The following LAMC3 variants were observed in gnomAD, a reference collection of about 807,000 sequenced individuals.
LAMC3 encodes laminin subunit gamma 3.
In LAMC3, 128 loss-of-function variants were observed where a neutral mutation model predicts 173.8. The observed-to-expected ratio is 0.74, with a 90% CI of 0.64 to 0.85. The LOEUF is 0.85. LAMC3 is among the 40% of genes least tolerant of loss of function. The pLI, the probability that LAMC3 is intolerant of heterozygous loss-of-function variation, is 0.00. For missense variants in LAMC3, 2,022 were observed against 2,156.0 expected (o/e 0.94, Z 1.23); for synonymous variants, 897 against 909.1 (o/e 0.99, Z 0.24).
chr9:131,016,614 G>A (rs1336045085), intron 1 of LAMC3, among the ~76,000 whole-genome samples: 1 of 152,208 alleles, frequency 6.6e-6, no homozygotes, highest in Non-Finnish European at 1.5e-5. Context: ...GACTAGTTAA[G>A]TAAATTGTAG....
At chr9:131,059,786 G>A (rs1011106399) in intron 12 of LAMC3, among the ~76,000 whole-genome samples, 5 of 152,212 alleles carry the variant, frequency 3.3e-5, no homozygotes, top group South Asian at 4.1e-4. Context: ...TCTGTGAAAC[G>A]GGCAGTATAG....
At chr9:131,069,990 C>T in intron 17 of LAMC3, 140 bp downstream of exon 17, 1 of 883,968 alleles carries the variant, frequency 1.1e-6, no homozygotes, top group Non-Finnish European at 1.8e-6. Flanking sequence ...TCTCCCTGTG[C>T]CCACCCAGCT....
At chr9:131,083,118 G>T (rs1830271543) in intron 24 of LAMC3, among the ~76,000 whole-genome samples, 1 of 152,166 alleles carries the variant, frequency 6.6e-6, no homozygotes, top group African/African-American at 2.4e-5. Flanking sequence ...TAGGATCTTA[G>T]AACATTAGAA....
intron 12 of LAMC3, among the ~76,000 whole-genome samples, chr9:131,058,162 A>G (rs934763497): frequency 2.0e-5 from 3 of 152,030 alleles, no homozygotes; most frequent in Non-Finnish European, 2.9e-5. Context: ...TCTGTTGCCT[A>G]TGCTGGAGTG....
rs1374460961 is a variant in LAMC3, at chr9:131,009,557, C to T, written c.343C>T (p.Pro115Ser). 10 of 1,570,780 alleles carry T rather than the reference C, an allele frequency of 6.4e-6. No homozygotes were observed. Among genetic ancestry groups the T allele is most frequent in the Non-Finnish European group, 8.6e-6 (10 of 1,158,844 alleles). ...SPSMAFGVQY[P>S]TSVNITLRLG... ...GTCCATGGCCTTCGGCGTGCAGTAC[C>T]CCACCTCGGTCAACATCACCCTCCG... Residue 115 changes from proline to serine, a missense_variant, in exon 1 of 28, where the codon CCC becomes TCC. Physicochemically the swap from Pro to Ser is moderately conservative, Grantham distance 74. Coordinates refer to ENST00000361069, the MANE Select transcript of LAMC3 (RefSeq NM_006059.4). This position sits in a 1 kb window ranked among gnomAD's most constrained non-coding sequence, Gnocchi z 4.3.
At chr9:131,028,301 C>T (rs1172630764) in intron 2 of LAMC3, among the ~76,000 whole-genome samples, 2 of 152,140 alleles carry the variant, frequency 1.3e-5, no homozygotes, top group Non-Finnish European at 2.9e-5. Context: ...TTCCTGGTGC[C>T]GAAAAGGTTG....
At chr9:131,044,138 T>C (rs1215348300) in intron 7 of LAMC3, among the ~76,000 whole-genome samples, 1 of 151,828 alleles carries the variant, frequency 6.6e-6, no homozygotes, top group Non-Finnish European at 1.5e-5. Context: ...TTTGTATTTT[T>C]AGTAGAGATG....
rs1198345154 is a variant in LAMC3 at position 131,026,617 on chromosome 9, T to C, written c.678+28T>C. 6.5e-7 allele frequency: 1 copy of C among 1,540,626 alleles called. No homozygotes were observed. Among genetic ancestry groups the C allele is most frequent in the Non-Finnish European group, 8.7e-7 (1 of 1,144,130 alleles). On this transcript the variant is annotated intron_variant, in intron 2 of 27. Transcript: ENST00000361069. This position sits in a 1 kb window ranked among gnomAD's most constrained non-coding sequence, Gnocchi z 4.8. ...CAGGGAGGAGCGGGGCTTCGGAGGTTGGGACGGGGTTGGGACTGGGTCACG... is the reference window on the plus strand; with the variant it reads ...CAGGGAGGAGCGGGGCTTCGGAGGTCGGGACGGGGTTGGGACTGGGTCACG...
At position 131,009,634 on chromosome 9, in the gene LAMC3, C is replaced by G. The variant is rs1350530737; in HGVS notation, c.373+47C>G. ...CGCCACCGCACCCCGTGTCCCCACTCCACTGGGGGTCTGAGGCTGAGGCCT... is the reference window on the plus strand; with the variant it reads ...CGCCACCGCACCCCGTGTCCCCACTGCACTGGGGGTCTGAGGCTGAGGCCT... On this transcript the variant is annotated intron_variant, in intron 1 of 27. Transcript: ENST00000361069. The surrounding 1 kb of genome is among the most constrained non-coding windows in gnomAD (Gnocchi z 4.3). The G allele has an allele frequency of 6.5e-7, 1 of 1,543,986 alleles. No homozygotes were observed.
intron 4 of LAMC3, among the ~76,000 whole-genome samples, chr9:131,037,047 G>A (rs919433976): frequency 1.3e-5 from 2 of 152,228 alleles, no homozygotes; most frequent in African/African-American, 4.8e-5. Flanking sequence ...TCTTGGGCCT[G>A]GGCCACTGGC....
intron 20 of LAMC3, among the ~76,000 whole-genome samples, chr9:131,073,781 G>T (rs1230676791): frequency 1.3e-5 from 2 of 151,898 alleles, no homozygotes; most frequent in Non-Finnish European, 2.9e-5. Flanking sequence ...TCTGCCATCA[G>T]CCCCCGTTTC....
At chr9:131,032,576 C>CTCGCTCTCTCTCGCTTGCTCTCTCTT (rs1564368458) in intron 3 of LAMC3, among the ~76,000 whole-genome samples, 3 of 142,942 alleles carry the variant, frequency 2.1e-5, no homozygotes, top group African/African-American at 8.8e-5. Context: ...CTTGCTCTCT[C>CTCGCTCTCTCTCGCTTGCTCTCTCTT]TCGCTTGCTC....
rs1564384495 is a variant in LAMC3 at position 131,068,177 on chromosome 9, G to A, written c.2693G>A (p.Cys898Tyr). ...CTGCCTCATGTGACTGCACGGGACT[G>A]CAGCCGCTGCTACCCTGGCTTCTTC... is the stretch of plus-strand genomic sequence containing the variant. Reference protein sequence around the residue: ...SCLPHVTARDCSRCYPGFFDL... With the variant: ...SCLPHVTARDYSRCYPGFFDL... Residue 898 changes from cysteine (C) to tyrosine (Y), a missense_variant, in exon 15 of 28, where the codon TGC becomes TAC. Physicochemically the swap from Cys to Tyr is radical, Grantham distance 194. Coordinates refer to ENST00000361069, the MANE Select transcript of LAMC3 (RefSeq NM_006059.4). The A allele has an allele frequency of 3.7e-6, 6 of 1,613,140 alleles. No homozygotes were observed. Among genetic ancestry groups the A allele is most frequent in the Non-Finnish European group, 5.1e-6 (6 of 1,179,928 alleles).
intron 1 of LAMC3, among the ~76,000 whole-genome samples, chr9:131,024,150 CTTT>C (rs34368388): frequency 1.5e-5 from 2 of 131,486 alleles, no homozygotes; most frequent in Non-Finnish European, 1.6e-5. Context: ...GAAGTTTTAG[CTTT>C]TTTTTTTTTT....
chr9:131,017,372 C>A (rs1047718091), intron 1 of LAMC3, among the ~76,000 whole-genome samples: 1 of 152,118 alleles, frequency 6.6e-6, no homozygotes, highest in Non-Finnish European at 1.5e-5. Flanking sequence ...CTTGCCAAAC[C>A]AGGAGGTGAG....
At chr9:131,088,942 A>G (rs10901350) in intron 27 of LAMC3, among the ~76,000 whole-genome samples, 24,927 of 151,920 alleles carry the variant, frequency 0.16, 2,213 homozygotes, top group South Asian at 0.24. Context: ...AAAATTAGCC[A>G]GGCATGGTGG....
intron 6 of LAMC3, among the ~76,000 whole-genome samples, chr9:131,041,209 A>C (rs3780272): frequency 5.3e-5 from 8 of 151,662 alleles, no homozygotes; most frequent in Non-Finnish European, 1.0e-4. Flanking sequence ...TCTACTAAAA[A>C]TACAAAAATT....
intron 2 of LAMC3, among the ~76,000 whole-genome samples, chr9:131,028,677 C>T (rs887860780): frequency 6.6e-6 from 1 of 152,198 alleles, no homozygotes; most frequent in African/African-American, 2.4e-5. Context: ...GAGAGGCGCC[C>T]GGCCAGGTCA....
Position 131,071,591 on chromosome 9 carries a change from G to C in LAMC3, c.3177G>C (p.Arg1059Ser), listed in dbSNP as rs1435520805. The change falls in exon 18 of 28, where the codon AGG (arginine) becomes AGC (serine). Residue 1059 changes from arginine to serine, a missense_variant. Arg to Ser is a moderately radical substitution (Grantham distance 110). Coordinates refer to ENST00000361069, the MANE Select transcript of LAMC3 (RefSeq NM_006059.4). The part of the protein sequence containing the change: ...PLDILLGEAP[R>S]GDVYQGHHLL... ...ACATTCTGCTGGGAGAGGCCCCAAG[G>C]GGGGACGTCTACCAGGGCCATCACC... 3 of 1,604,512 alleles carry C rather than the reference G, an allele frequency of 1.9e-6. No individual in the cohort carries two copies.
Sources: gnomAD v4.1 joint callset for allele counts (sites outside exome capture counted in the v4.1 genomes callset) on GRCh38, gnomAD v4.1.1 for gene constraint, Gnocchi (gnomAD v3.1) non-coding constraint, MANE v1.5 for transcripts, NCBI Gene and HGNC (gene_info 2026-07-23, HGNC 2026-07-21) for gene names.